Variants in CNTN1 observed in about 807,000 individuals in gnomAD.
The protein encoded by CNTN1 is contactin 1.
CNTN1 carries 38 observed loss-of-function variants against 126.4 expected under a neutral mutation model. The observed-to-expected ratio is 0.30, with a 90% CI of 0.23 to 0.39. The LOEUF (loss-of-function observed/expected upper bound fraction) is 0.39, where lower values mean the gene tolerates loss of function less well. CNTN1 is among the 10% of genes least tolerant of loss of function. The pLI, the probability that CNTN1 is intolerant of heterozygous loss-of-function variation, is 1.00. For synonymous variants in CNTN1, 413 were observed against 422.6 expected (o/e 0.98, Z 0.28); for missense variants, 1,009 against 1,248.4 (o/e 0.81, Z 2.89).
chr12:40,897,721 C>A (rs1944460123), intron 1 of CNTN1, among the ~76,000 whole-genome samples: 1 of 152,136 alleles, frequency 6.6e-6, no homozygotes. Flanking sequence ...AAGTCTGAAA[C>A]CTCAATGGTT....
intron 1 of CNTN1, among the ~76,000 whole-genome samples, chr12:40,848,247 GC>G (rs1357692193): frequency 1.3e-5 from 2 of 152,142 alleles, no homozygotes; most frequent in African/African-American, 4.8e-5. Context: ...TATAAAGAAC[GC>G]ATCTGATACT....
At chr12:40,928,166 G>T (rs987967904) in intron 6 of CNTN1, among the ~76,000 whole-genome samples, 4 of 152,014 alleles carry the variant, frequency 2.6e-5, no homozygotes, top group African/African-American at 4.8e-5. Context: ...TGGTGGTGGG[G>T]CAGGGGGAGT....
chr12:41,068,515 G>A (rs1566258106), intron 23 of CNTN1, among the ~76,000 whole-genome samples: 1 of 151,974 alleles, frequency 6.6e-6, no homozygotes, highest in African/African-American at 2.4e-5. Flanking sequence ...TTTCCAGGCA[G>A]CTCCAAAAGC....
chr12:41,015,566 A>G (rs542797132), intron 18 of CNTN1, among the ~76,000 whole-genome samples: 1 of 152,284 alleles, frequency 6.6e-6, no homozygotes, highest in South Asian at 2.1e-4. Flanking sequence ...CTAAAATCAC[A>G]TACCTATTAA....
At chr12:40,884,973 A>G in intron 1 of CNTN1, among the ~76,000 whole-genome samples, 1 of 151,482 alleles carries the variant, frequency 6.6e-6, no homozygotes, top group Non-Finnish European at 1.5e-5. Flanking sequence ...TTATATTTTG[A>G]CTTTTAATTC....
chr12:41,047,364 G>A (rs10128778), intron 23 of CNTN1, among the ~76,000 whole-genome samples: 21,720 of 152,020 alleles, frequency 0.14, 1,966 homozygotes, highest in African/African-American at 0.26. Context: ...TACTCACTGA[G>A]TGCTTCCTTC....
At chr12:40,744,761 A>G (rs1248353202) in intron 1 of CNTN1, among the ~76,000 whole-genome samples, 2 of 152,142 alleles carry the variant, frequency 1.3e-5, no homozygotes, top group Non-Finnish European at 2.9e-5. Context: ...GGATGACCAG[A>G]GGAGAAATTG....
chr12:40,708,305 T>C (rs1941821736), intron 1 of CNTN1, among the ~76,000 whole-genome samples: 1 of 152,260 alleles, frequency 6.6e-6, no homozygotes, highest in Non-Finnish European at 1.5e-5. Flanking sequence ...CATTTTTTGA[T>C]ATTTCAATGC....
intron 1 of CNTN1, among the ~76,000 whole-genome samples, chr12:40,825,694 C>T (rs1941593397): frequency 6.6e-6 from 1 of 152,274 alleles, no homozygotes; most frequent in East Asian, 1.9e-4. Flanking sequence ...TTTCCTCCAT[C>T]ATTTCCATTC....
intron 23 of CNTN1, among the ~76,000 whole-genome samples, chr12:41,050,784 G>A (rs1429431501): frequency 3.3e-5 from 5 of 152,146 alleles, no homozygotes; most frequent in Non-Finnish European, 7.4e-5. Context: ...GTATGAGTGG[G>A]AAAGACAACA....
chr12:40,917,419 C>T (rs532420609), intron 3 of CNTN1, among the ~76,000 whole-genome samples: 14 of 152,150 alleles, frequency 9.2e-5, no homozygotes, highest in African/African-American at 3.4e-4. Context: ...TGATATTGAG[C>T]TTTGGAGAGA....
At chr12:41,017,861 G>T (rs889822691) in intron 19 of CNTN1, among the ~76,000 whole-genome samples, 8 of 152,086 alleles carry the variant, frequency 5.3e-5, no homozygotes, top group African/African-American at 1.9e-4. Flanking sequence ...GGAGGCTGAG[G>T]CAGGTGGATC....
chr12:40,696,793 A>C (rs11177863), intron 1 of CNTN1, among the ~76,000 whole-genome samples: 30,649 of 152,180 alleles, frequency 0.2, 3,203 homozygotes, highest in Middle Eastern at 0.27. Context: ...GACATCTAAA[A>C]TCATTAAAGA....
At chr12:40,720,171 T>C (rs1315201029) in intron 1 of CNTN1, among the ~76,000 whole-genome samples, 9 of 151,982 alleles carry the variant, frequency 5.9e-5, no homozygotes, top group African/African-American at 2.2e-4. Context: ...TTCTTAGACT[T>C]GTCTACTCAT....
At chr12:40,762,649 A>C (rs1180654927) in intron 1 of CNTN1, among the ~76,000 whole-genome samples, 4 of 152,174 alleles carry the variant, frequency 2.6e-5, no homozygotes, top group Non-Finnish European at 4.4e-5. Flanking sequence ...CTTGTGTCCT[A>C]GCAGCTGGGT....
At chr12:40,754,888 A>G (rs1257237262) in intron 1 of CNTN1, among the ~76,000 whole-genome samples, 1 of 151,980 alleles carries the variant, frequency 6.6e-6, no homozygotes, top group African/African-American at 2.4e-5. Context: ...TCATATTTTA[A>G]AACTGATTTC....
chr12:40,969,941 C>T (rs1459920079), intron 15 of CNTN1, among the ~76,000 whole-genome samples: 4 of 152,162 alleles, frequency 2.6e-5, no homozygotes, highest in Non-Finnish European at 5.9e-5. Flanking sequence ...GGTCTAACGT[C>T]CGTCACTCTG....
chr12:40,919,112 G>T (rs1269381031), intron 4 of CNTN1, among the ~76,000 whole-genome samples: 1 of 152,044 alleles, frequency 6.6e-6, no homozygotes, highest in Non-Finnish European at 1.5e-5. Context: ...AGGATAAAAT[G>T]TTTTTGTTAT....
At chr12:40,744,535 T>A (rs1443094528) in intron 1 of CNTN1, among the ~76,000 whole-genome samples, 1 of 152,116 alleles carries the variant, frequency 6.6e-6, no homozygotes, top group Admixed American at 6.6e-5. Flanking sequence ...GAATTCCTGT[T>A]AACATTTTTG....
Sources: gnomAD v4.1 joint callset for allele counts (sites outside exome capture counted in the v4.1 genomes callset) on GRCh38, gnomAD v4.1.1 for gene constraint, MANE v1.5 for transcripts, NCBI Gene and HGNC (gene_info 2026-07-23, HGNC 2026-07-21) for gene names.